Variants in MACF1 observed in about 807,000 individuals in gnomAD.
MACF1 encodes the protein microtubule actin crosslinking factor 1.
Under a neutral mutation model 854.8 loss-of-function variants are expected in MACF1, and 193 were observed. That is an observed-to-expected ratio of 0.23 (90% CI 0.20 to 0.25). The LOEUF (loss-of-function observed/expected upper bound fraction) is 0.25. Ranked by LOEUF, MACF1 falls within the 10% of genes least tolerant of loss-of-function variation. The probability of loss-of-function intolerance (pLI) is 1.00; values close to 1 mark genes in which losing one functional copy is unlikely to be tolerated. For missense variants in MACF1, 7,722 were observed against 8,929.1 expected (o/e 0.86, Z 5.45); for synonymous variants, 3,185 against 3,226.7 (o/e 0.99, Z 0.44).
intron 58 of MACF1, among the ~76,000 whole-genome samples, chr1:39,417,712 AATTTTTTTTTTTT>A (rs1643371545): frequency 3.6e-4 from 25 of 68,508 alleles, no homozygotes; most frequent in African/African-American, 1.2e-3. Flanking sequence ...ACACCCAGTT[AATTTTTTTTTTTT>A]TTTTTTTTTT....
chr1:39,234,682 G>A (rs1291720956), intron 2 of MACF1, among the ~76,000 whole-genome samples: 2 of 111,860 alleles, frequency 1.8e-5, no homozygotes, highest in African/African-American at 6.8e-5. Context: ...GGTGGCTGTC[G>A]GGCGGAGACG....
At chr1:39,114,667 G>A (rs1557462245) in intron 2 of MACF1, among the ~76,000 whole-genome samples, 1 of 152,200 alleles carries the variant, frequency 6.6e-6, no homozygotes, top group Non-Finnish European at 1.5e-5. Flanking sequence ...CAGGGAGTAG[G>A]TGATGTGCTG....
Position 39,485,712 on chromosome 1 carries a change from G to A in MACF1, c.22586G>A (p.Gly7529Glu), listed in dbSNP as rs1008443489. 25 of 1,613,772 alleles carry A rather than the reference G, an allele frequency of 1.5e-5. No individual in the cohort carries two copies. Among genetic ancestry groups the A allele is most frequent in the Non-Finnish European group, 2.1e-5 (25 of 1,179,906 alleles). The change falls in exon 101 of 101, where the codon GGG becomes GAG. Residue 7529 changes from glycine (G) to glutamate (E), a missense_variant. Gly to Glu is a moderately conservative substitution (Grantham distance 98, BLOSUM62 -2). This residue lies in a region of MACF1 where 185 missense variants were observed against 225.7 expected (regional missense o/e 0.82). Transcript: ENST00000564288. ...GGGGGCCAAGGCAACTCCAGGAGAG[G>A]GCTAAACAAACCTTCCAAAATCCCA... ...AAGGQGNSRR[G>E]LNKPSKIPTM...
chr1:39,426,006 G>T (rs1643715246), intron 61 of MACF1, among the ~76,000 whole-genome samples: 1 of 151,922 alleles, frequency 6.6e-6, no homozygotes, highest in African/African-American at 2.4e-5. Context: ...ATTATTTTTA[G>T]CTCTTCTCCC....
chr1:39,460,672 A>G lies in MACF1; in HGVS notation c.21401A>G (p.Lys7134Arg). 6.2e-7 allele frequency: 1 copy of G among 1,614,226 alleles called. No individual in the cohort carries two copies. Among genetic ancestry groups the G allele is most frequent in the South Asian group, 1.1e-5 (1 of 91,088 alleles). ...FANFDFDVWR[K>R]KYMRWMNHKK... Reference sequence around the variant, plus strand: ...AACTTTGACTTTGATGTCTGGAGGAAAAAGTATATGCGTTGGATGAATCAC... The same window carrying G: ...AACTTTGACTTTGATGTCTGGAGGAGAAAGTATATGCGTTGGATGAATCAC... The change falls in exon 92 of 101, where the codon AAA becomes AGA. Residue 7134 changes from lysine to arginine, a missense_variant. Lys to Arg is a conservative substitution (Grantham distance 26, BLOSUM62 2). Coordinates refer to ENST00000564288, the MANE Select transcript of MACF1 (RefSeq NM_001394062.1). The surrounding 1 kb of genome is among the most constrained non-coding windows in gnomAD (Gnocchi z 4.1).
intron 26 of MACF1, among the ~76,000 whole-genome samples, chr1:39,312,870 C>T (rs1646330228): frequency 6.6e-6 from 1 of 152,034 alleles, no homozygotes; most frequent in Non-Finnish European, 1.5e-5. Flanking sequence ...ATACTGCTAT[C>T]CAAGCTCACG....
intron 49 of MACF1, among the ~76,000 whole-genome samples, chr1:39,367,205 C>A (rs1389067892): frequency 6.6e-6 from 1 of 152,044 alleles, no homozygotes; most frequent in Non-Finnish European, 1.5e-5. Flanking sequence ...CCTTGGCCTT[C>A]CAAAATGCTA....
In MACF1 at chr1:39,410,740, G is replaced by A. The variant is rs751422853; in HGVS notation, c.15817-11634G>A. On this transcript the variant is annotated intron_variant, in intron 58 of 100. Coordinates refer to ENST00000564288, the MANE Select transcript of MACF1 (RefSeq NM_001394062.1). The stretch of plus-strand genomic sequence containing the variant: ...TTCTCTCAGTGAGGTTTCAGAAGCT[G>A]GTGCTTCAAATCCTTCCTTGCAAGA... The A allele has an allele frequency of 2.9e-5, 46 of 1,613,824 alleles. 1 individual carries two copies. The Middle Eastern group carries it at 4.9e-4, about 17-fold the overall frequency.
intron 2 of MACF1, among the ~76,000 whole-genome samples, chr1:39,237,061 C>T (rs566514648): frequency 6.6e-6 from 1 of 152,378 alleles, no homozygotes; most frequent in Non-Finnish European, 1.5e-5. Context: ...TCCAACCCAC[C>T]TGTCTAGCTT....
At chr1:39,261,649 T>A (rs149716355) in intron 6 of MACF1, among the ~76,000 whole-genome samples, 1 of 152,376 alleles carries the variant, frequency 6.6e-6, no homozygotes, top group Non-Finnish European at 1.5e-5. Flanking sequence ...CATTCTTTTT[T>A]ATTGCTGAAT....
intron 1 of MACF1, among the ~76,000 whole-genome samples, chr1:39,221,155 T>TAG (rs1644647426): frequency 2.0e-5 from 3 of 152,052 alleles, no homozygotes; most frequent in Admixed American, 2.0e-4. Flanking sequence ...GAGTGAAAGG[T>TAG]AGATAGATTG....
At chr1:39,484,138 G>C (rs1470984718) in intron 99 of MACF1, among the ~76,000 whole-genome samples, 1 of 152,228 alleles carries the variant, frequency 6.6e-6, no homozygotes, top group Non-Finnish European at 1.5e-5. Flanking sequence ...GGGTGACAGA[G>C]CGAGACTCCG....
rs143377519 is a variant in MACF1 at position 39,361,379 on chromosome 1, C to T, written c.12473C>T (p.Ala4158Val). Residue 4158 changes from alanine (A) to valine (V), a missense_variant, in exon 49 of 101, where the codon GCT (alanine) becomes GTT (valine). Ala to Val is a moderately conservative substitution (Grantham distance 64). This residue lies in a region of MACF1 where 2,807 missense variants were observed against 3,235.8 expected (regional missense o/e 0.87). Transcript: ENST00000564288. ...TGACAGAAATTGAAGCAGGACATTG[C>T]TCGGCAAAAGAGCAGCTTGGAGGCC... ...ATNMKLKQDI[A>V]RQKSSLEATR... is the part of the protein sequence containing the mutation. 6 of 1,613,304 alleles carry T rather than the reference C, an allele frequency of 3.7e-6. No individual in the cohort carries two copies. The highest frequency in any genetic ancestry group is 4.5e-5 in the East Asian group (2 of 44,862).
chr1:39,110,730 T>C (rs1339013143), intron 2 of MACF1, among the ~76,000 whole-genome samples: 1 of 152,256 alleles, frequency 6.6e-6, no homozygotes, highest in African/African-American at 2.4e-5. Flanking sequence ...AATGTGTCCA[T>C]GTGCTAACAG....
At chr1:39,401,957 A>G (rs1190265234) in intron 58 of MACF1, among the ~76,000 whole-genome samples, 2 of 152,228 alleles carry the variant, frequency 1.3e-5, no homozygotes, top group African/African-American at 4.8e-5. Context: ...CACGCCCGTA[A>G]TCCCAGCACT....
intron 2 of MACF1, among the ~76,000 whole-genome samples, chr1:39,137,030 A>C (rs1350650657): frequency 6.6e-6 from 1 of 152,146 alleles, no homozygotes; most frequent in Non-Finnish European, 1.5e-5. Flanking sequence ...TGTCAACTAA[A>C]AATTGACTTT....
intron 57 of MACF1, 107 bp downstream of exon 57, chr1:39,386,036 A>G (rs1641761041): frequency 1.5e-6 from 2 of 1,300,234 alleles, no homozygotes; most frequent in South Asian, 3.0e-5. Flanking sequence ...CGTAATTTGT[A>G]GACTCAGAAT....
At chr1:39,241,010 G>C (rs1486099947) in intron 2 of MACF1, among the ~76,000 whole-genome samples, 1 of 149,036 alleles carries the variant, frequency 6.7e-6, no homozygotes, top group Non-Finnish European at 1.5e-5. Context: ...TTTAAGCATA[G>C]TTCTTTCCAG....
At chr1:39,298,483 A>T (rs546491324) in intron 21 of MACF1, among the ~76,000 whole-genome samples, 1 of 152,216 alleles carries the variant, frequency 6.6e-6, no homozygotes, top group Non-Finnish European at 1.5e-5. Flanking sequence ...TTAAAATAGA[A>T]ATGTATATGC....
Sources: allele counts gnomAD v4.1 joint callset (sites outside exome capture counted in the v4.1 genomes callset), GRCh38; gene constraint gnomAD v4.1.1; regional missense constraint gnomAD v4.1.1; non-coding constraint Gnocchi (gnomAD v3.1); transcripts MANE v1.5; gene names NCBI Gene and HGNC (gene_info 2026-07-23, HGNC 2026-07-21).